CHMP3: variants seen among roughly 807,000 people sequenced by gnomAD.
CHMP3 encodes charged multivesicular body protein 3.
A neutral mutation model predicts 27.4 loss-of-function variants in CHMP3; 8 were observed. The observed-to-expected ratio is 0.29, with a 90% CI of 0.17 to 0.53. The LOEUF (loss-of-function observed/expected upper bound fraction) is 0.53. Among genes scored for constraint, CHMP3 ranks in the 20% least tolerant of loss-of-function variants. The probability of loss-of-function intolerance (pLI) is 0.96; values close to 1 mark genes in which losing one functional copy is unlikely to be tolerated. For missense variants in CHMP3, 208 were observed against 271.5 expected (o/e 0.77, Z 1.64); for synonymous variants, 86 against 85.5 (o/e 1.01, Z -0.03).
intron 1 of CHMP3, among the ~76,000 whole-genome samples, chr2:86,552,932 G>A (rs1020453451): frequency 3.3e-5 from 5 of 151,372 alleles, no homozygotes; most frequent in African/African-American, 1.2e-4. Context: ...GCATGTTCTC[G>A]CTTATAAGTG....
chr2:86,522,256 T>C (rs1316918539), intron 3 of CHMP3, among the ~76,000 whole-genome samples: 1 of 152,228 alleles, frequency 6.6e-6, no homozygotes, highest in Non-Finnish European at 1.5e-5. Context: ...GATGGGGCCA[T>C]AGAAAGATGA....
At chr2:86,529,180 G>A (rs777383545) in intron 3 of CHMP3, 38 bp downstream of exon 3, 30 of 1,517,886 alleles carry the variant, frequency 2.0e-5, no homozygotes, top group South Asian at 3.9e-5. Flanking sequence ...CAGCAACCCC[G>A]GCATTATGAG....
chr2:86,538,342 A>C (rs1455339289), intron 2 of CHMP3, among the ~76,000 whole-genome samples: 1 of 152,194 alleles, frequency 6.6e-6, no homozygotes, highest in African/African-American at 2.4e-5. Context: ...CTGGAGATGG[A>C]TAGTGGTGAT....
intron 1 of CHMP3, among the ~76,000 whole-genome samples, chr2:86,553,621 C>T (rs750971855): frequency 3.3e-5 from 5 of 152,198 alleles, no homozygotes; most frequent in Admixed American, 6.5e-5. Flanking sequence ...TGAGCCACCG[C>T]GCCCGACCCC....
intron 1 of CHMP3, among the ~76,000 whole-genome samples, chr2:86,549,721 C>T (rs372330005): frequency 9.1e-5 from 12 of 131,174 alleles, no homozygotes; most frequent in African/African-American, 2.6e-4. Context: ...ATGGGGCGGC[C>T]GGGCAGAGGC....
intron 1 of CHMP3, among the ~76,000 whole-genome samples, chr2:86,556,927 A>G (rs1028089155): frequency 2.0e-5 from 3 of 152,184 alleles, no homozygotes; most frequent in Non-Finnish European, 1.5e-5. Context: ...TGTCCATGAA[A>G]CAAGTACCTG....
intron 2 of CHMP3, among the ~76,000 whole-genome samples, chr2:86,538,091 A>T (rs1206809371): frequency 6.6e-6 from 1 of 152,240 alleles, no homozygotes; most frequent in Admixed American, 6.5e-5. Context: ...TCAGCCTTAA[A>T]AAGGAATGAA....
intron 1 of CHMP3, among the ~76,000 whole-genome samples, chr2:86,560,069 T>C (rs1677285157): frequency 1.3e-5 from 2 of 152,182 alleles, no homozygotes; most frequent in African/African-American, 4.8e-5. Context: ...ATCAAGACCA[T>C]CCTGGCTAAC....
At position 86,503,818 on chromosome 2, in the gene CHMP3, G is replaced by A. The variant is rs1035563013; in HGVS notation, c.*1986C>T. ...TTGCAGGAACATGGATGGGGCTGGAGGCCATTATCCTTAACAAACTAACAT... is the reference window on the plus strand; with the variant it reads ...TTGCAGGAACATGGATGGGGCTGGAAGCCATTATCCTTAACAAACTAACAT... On this transcript the variant is annotated 3_prime_UTR_variant, in exon 6 of 6. Transcript: ENST00000263856. 6.6e-6 allele frequency: 1 copy of A among 152,154 alleles called. No individual in the cohort carries two copies. The highest frequency in any genetic ancestry group is 1.5e-5 in the Non-Finnish European group (1 of 68,022). The allele number at this position is 152,154 out of a possible 1,614,324, so 9.4% of individuals were successfully genotyped here.
chr2:86,512,855 A>G (rs1416410465), intron 3 of CHMP3, among the ~76,000 whole-genome samples: 2 of 152,220 alleles, frequency 1.3e-5, no homozygotes, highest in African/African-American at 4.8e-5. Context: ...GAATGGCCCA[A>G]TCCAGACCAC....
At chr2:86,518,652 G>C (rs141083364) in intron 3 of CHMP3, among the ~76,000 whole-genome samples, 197 of 152,148 alleles carry the variant, frequency 1.3e-3, no homozygotes, top group African/African-American at 4.5e-3. Flanking sequence ...ACGCATTCTA[G>C]GGTGTTCAGC....
intron 3 of CHMP3, among the ~76,000 whole-genome samples, chr2:86,516,551 G>A (rs1427054919): frequency 6.6e-6 from 1 of 152,228 alleles, no homozygotes; most frequent in Non-Finnish European, 1.5e-5. Flanking sequence ...TCATACATTG[G>A]CTGGTGGGAA....
At chr2:86,554,211 G>A (rs1677025162) in intron 1 of CHMP3, among the ~76,000 whole-genome samples, 1 of 152,166 alleles carries the variant, frequency 6.6e-6, no homozygotes, top group Non-Finnish European at 1.5e-5. Context: ...CTCCATAACT[G>A]TAGAAAATAA....
At chr2:86,545,824 C>A (rs1047502802) in intron 1 of CHMP3, among the ~76,000 whole-genome samples, 7 of 150,242 alleles carry the variant, frequency 4.7e-5, no homozygotes, top group Non-Finnish European at 1.0e-4. Context: ...CAGGCAGAGG[C>A]GCTCCTCACT....
intron 1 of CHMP3, chr2:86,563,018 TC>T (rs900915138): frequency 1.1e-4 from 38 of 348,062 alleles, no homozygotes; most frequent in Admixed American, 5.0e-4. Flanking sequence ...GGAAGAGGTT[TC>T]CGAGGCCAGG....
At chr2:86,513,135 C>A (rs1455610530) in intron 3 of CHMP3, among the ~76,000 whole-genome samples, 3 of 152,148 alleles carry the variant, frequency 2.0e-5, no homozygotes, top group African/African-American at 7.2e-5. Context: ...TACGGATAAA[C>A]AAACTGGTAC....
At chr2:86,559,212 C>T (rs1167929930) in intron 1 of CHMP3, among the ~76,000 whole-genome samples, 1 of 152,202 alleles carries the variant, frequency 6.6e-6, no homozygotes, top group Non-Finnish European at 1.5e-5. Flanking sequence ...CTCTCTTCTG[C>T]ATCTGGGATA....
At chr2:86,531,983 C>CA (rs1329910143) in intron 2 of CHMP3, among the ~76,000 whole-genome samples, 1 of 152,048 alleles carries the variant, frequency 6.6e-6, no homozygotes, top group African/African-American at 2.4e-5. Flanking sequence ...TCTATTTCTA[C>CA]AAAAAATGTC....
intron 2 of CHMP3, among the ~76,000 whole-genome samples, chr2:86,540,001 G>GGGTTAAGTCTAGGATAACATA (rs1676300473): frequency 6.6e-6 from 1 of 151,898 alleles, no homozygotes; most frequent in Non-Finnish European, 1.5e-5. Context: ...GTTGTTTTGT[G>GGGTTAAGTCTAGGATAACATA]GGGTTTTTCT....
Sources: allele counts gnomAD v4.1 joint callset (sites outside exome capture counted in the v4.1 genomes callset), GRCh38; gene constraint gnomAD v4.1.1; transcripts MANE v1.5; gene names NCBI Gene and HGNC (gene_info 2026-07-23, HGNC 2026-07-21).